SNTG1: variants seen among roughly 807,000 people sequenced by gnomAD.
SNTG1 encodes syntrophin gamma 1.
SNTG1 carries 39 observed loss-of-function variants against 74.7 expected under a neutral mutation model. The ratio of observed to expected loss-of-function variants is 0.52; its 90% CI spans 0.40 to 0.68. The LOEUF (loss-of-function observed/expected upper bound fraction) is 0.68, where lower values mean the gene tolerates loss of function less well. Among genes scored for constraint, SNTG1 ranks in the 30% least tolerant of loss-of-function variants. The probability of loss-of-function intolerance (pLI) is 0.00; values close to 1 mark genes in which losing one functional copy is unlikely to be tolerated. For synonymous variants in SNTG1, 254 were observed against 217.1 expected (o/e 1.17, Z -1.49); for missense variants, 685 against 609.5 (o/e 1.12, Z -1.30).
intron 2 of SNTG1, among the ~76,000 whole-genome samples, chr8:50,323,968 A>G (rs995101566): frequency 1.3e-5 from 2 of 152,186 alleles, no homozygotes; most frequent in Admixed American, 6.5e-5. Context: ...TAGCTATTCC[A>G]GCTAGTGTCT....
chr8:50,286,646 CGTTGTT>C (rs142757199), intron 2 of SNTG1: 1 of 152,124 alleles, frequency 6.6e-6, no homozygotes, highest in Non-Finnish European at 1.5e-5. Context: ...ACATTATTGT[CGTTGTT>C]GTTGTTTCCT....
At chr8:50,672,851 G>A (rs769190690) in intron 15 of SNTG1, among the ~76,000 whole-genome samples, 2 of 151,896 alleles carry the variant, frequency 1.3e-5, no homozygotes, top group Non-Finnish European at 2.9e-5. Context: ...TCTATATTGA[G>A]TTAATTTTTG....
chr8:50,457,134 T>C (rs961303784), intron 8 of SNTG1: 21 of 152,352 alleles, frequency 1.4e-4, no homozygotes, highest in Middle Eastern at 3.4e-3. Flanking sequence ...GGCCTCATTC[T>C]GTCTTGCCCT....
intron 2 of SNTG1, among the ~76,000 whole-genome samples, chr8:50,359,441 T>A (rs991769987): frequency 2.0e-5 from 3 of 152,234 alleles, no homozygotes; most frequent in African/African-American, 7.2e-5. Flanking sequence ...GTCCTGAATT[T>A]GCTGGCCTTG....
At chr8:50,272,689 T>C (rs1009286443) in intron 2 of SNTG1, among the ~76,000 whole-genome samples, 5 of 152,204 alleles carry the variant, frequency 3.3e-5, no homozygotes, top group African/African-American at 1.2e-4. Context: ...TTGATTTGTA[T>C]CATGTACATG....
intron 12 of SNTG1, among the ~76,000 whole-genome samples, chr8:50,589,884 A>C (rs543504831): frequency 6.6e-6 from 1 of 152,330 alleles, no homozygotes; most frequent in South Asian, 2.1e-4. Context: ...AATGATTATA[A>C]TAATGTAAGA....
intron 2 of SNTG1, among the ~76,000 whole-genome samples, chr8:50,287,195 T>A (rs1210975002): frequency 6.6e-6 from 1 of 152,140 alleles, no homozygotes; most frequent in Non-Finnish European, 1.5e-5. Flanking sequence ...GTTTTCAACA[T>A]CTAACTTTTT....
chr8:50,758,478 C>G (rs1396407352), intron 18 of SNTG1, among the ~76,000 whole-genome samples: 2 of 152,060 alleles, frequency 1.3e-5, no homozygotes, highest in East Asian at 3.9e-4. Flanking sequence ...CTGCCCCACC[C>G]CACCTCTTGA....
chr8:49,966,199 G>T (rs1276192136), intron 1 of SNTG1, among the ~76,000 whole-genome samples: 1 of 151,994 alleles, frequency 6.6e-6, no homozygotes, highest in African/African-American at 2.4e-5. Context: ...TTGAAGCTTT[G>T]GTAAAGTTGC....
chr8:50,116,507 T>A (rs568640926), intron 1 of SNTG1, among the ~76,000 whole-genome samples: 2 of 152,292 alleles, frequency 1.3e-5, no homozygotes, highest in East Asian at 3.9e-4. Flanking sequence ...TAAAACCACA[T>A]AAGATAAAAT....
intron 2 of SNTG1, among the ~76,000 whole-genome samples, chr8:50,349,649 G>A (rs1331649116): frequency 6.6e-6 from 1 of 152,128 alleles, no homozygotes; most frequent in African/African-American, 2.4e-5. Context: ...TGAGATTCAG[G>A]TCTAGTGTAT....
chr8:50,126,644 T>G (rs1392272443), intron 1 of SNTG1, among the ~76,000 whole-genome samples: 1 of 151,878 alleles, frequency 6.6e-6, no homozygotes, highest in African/African-American at 2.4e-5. Flanking sequence ...GTTTCATATA[T>G]TATATATTAT....
intron 2 of SNTG1, among the ~76,000 whole-genome samples, chr8:50,213,532 G>C (rs990044413): frequency 2.7e-4 from 41 of 152,072 alleles, no homozygotes; most frequent in African/African-American, 9.2e-4. Context: ...TTCAATCACA[G>C]CATTAGAAAA....
At chr8:50,501,133 T>A (rs976874764) in intron 8 of SNTG1, among the ~76,000 whole-genome samples, 2 of 152,172 alleles carry the variant, frequency 1.3e-5, no homozygotes, top group Admixed American at 6.5e-5. Flanking sequence ...TGATGTTTGC[T>A]GCCTTGCCTG....
intron 18 of SNTG1, among the ~76,000 whole-genome samples, chr8:50,766,427 A>G (rs1422496760): frequency 6.6e-6 from 1 of 151,948 alleles, no homozygotes; most frequent in Non-Finnish European, 1.5e-5. Context: ...GAAGGCTATC[A>G]TTTTCACTTA....
intron 1 of SNTG1, among the ~76,000 whole-genome samples, chr8:49,924,975 C>T (rs866596635): frequency 2.6e-5 from 4 of 151,394 alleles, no homozygotes; most frequent in Non-Finnish European, 5.9e-5. Context: ...CAAAGTGAGA[C>T]CCCCCCATCA....
chr8:50,487,416 T>A (rs1328268287), intron 8 of SNTG1, among the ~76,000 whole-genome samples: 3 of 152,094 alleles, frequency 2.0e-5, no homozygotes, highest in Non-Finnish European at 4.4e-5. Flanking sequence ...TTATTCACAA[T>A]AGCAAAGACT....
At chr8:50,473,148 T>C (rs147238061) in intron 8 of SNTG1, among the ~76,000 whole-genome samples, 93 of 152,258 alleles carry the variant, frequency 6.1e-4, no homozygotes, top group African/African-American at 2.0e-3. Flanking sequence ...GGTAACTGAA[T>C]TATGGGGGTG....
chr8:50,758,503 T>C (rs1169757405), intron 18 of SNTG1, among the ~76,000 whole-genome samples: 1 of 151,952 alleles, frequency 6.6e-6, no homozygotes, highest in Non-Finnish European at 1.5e-5. Flanking sequence ...CTCCAGTGTG[T>C]GTTGTCTCCT....
Sources: gnomAD v4.1 joint callset for allele counts (sites outside exome capture counted in the v4.1 genomes callset) on GRCh38, gnomAD v4.1.1 for gene constraint, MANE v1.5 for transcripts, NCBI Gene and HGNC (gene_info 2026-07-23, HGNC 2026-07-21) for gene names.